PTPRD: variants seen among roughly 807,000 people sequenced by gnomAD.
PTPRD encodes the protein protein tyrosine phosphatase receptor type D, also known as receptor-type tyrosine-protein phosphatase delta.
Under a neutral mutation model 214.5 loss-of-function variants are expected in PTPRD, and 34 were observed. The ratio of observed to expected loss-of-function variants is 0.16; its 90% CI spans 0.12 to 0.21. The LOEUF is 0.21. PTPRD is among the 10% of genes least tolerant of loss of function. PTPRD has a pLI of 1.00. For synonymous variants in PTPRD, 1,128 were observed against 845.7 expected (o/e 1.33, Z -5.79); for missense variants, 2,545 against 2,398.7 (o/e 1.06, Z -1.27).
intron 11 of PTPRD, among the ~76,000 whole-genome samples, chr9:8,765,114 G>A (rs1009590301): frequency 6.6e-6 from 1 of 152,046 alleles, no homozygotes; most frequent in Non-Finnish European, 1.5e-5. Context: ...TGAGCAGAAA[G>A]TACAAATTTT....
intron 10 of PTPRD, among the ~76,000 whole-genome samples, chr9:9,041,574 A>AT (rs1202569446): frequency 2.0e-5 from 3 of 152,180 alleles, no homozygotes; most frequent in Non-Finnish European, 4.4e-5. Flanking sequence ...CATAGTAAGA[A>AT]TTCCTTTTCT....
chr9:9,814,055 A>T lies in PTPRD; in HGVS notation c.-367-47204T>A, dbSNP rs79532499. On this transcript the variant is annotated intron_variant, in intron 5 of 45. Transcript: ENST00000381196. ...CAGAATGAAGGATAAATATCACATG[A>T]TCTCAATAGATGCAGAAAATGAATT... Among the ~76,000 whole-genome samples the T allele has an allele frequency of 1.0e-3, 153 of 152,274 alleles. 2 individuals carry two copies. The East Asian group carries it at 0.027, about 27-fold the overall frequency.
At chr9:10,104,075 A>T (rs1473508293) in intron 3 of PTPRD, among the ~76,000 whole-genome samples, 1 of 151,784 alleles carries the variant, frequency 6.6e-6, no homozygotes, top group African/African-American at 2.4e-5. Context: ...CAAAAGGACA[A>T]ATACTGTTCG....
intron 11 of PTPRD, among the ~76,000 whole-genome samples, chr9:8,874,287 T>G (rs1296167534): frequency 6.6e-6 from 1 of 152,206 alleles, no homozygotes; most frequent in Non-Finnish European, 1.5e-5. Context: ...ATTTTTCTTT[T>G]CAAACCAAGA....
intron 3 of PTPRD, among the ~76,000 whole-genome samples, chr9:10,105,598 T>C (rs2098619395): frequency 6.6e-6 from 1 of 151,818 alleles, no homozygotes; most frequent in African/African-American, 2.4e-5. Flanking sequence ...TAACAATTGG[T>C]AATTTGCCCA....
intron 36 of PTPRD, among the ~76,000 whole-genome samples, chr9:8,400,298 C>T (rs2092155841): frequency 6.6e-6 from 1 of 152,124 alleles, no homozygotes; most frequent in Non-Finnish European, 1.5e-5. Flanking sequence ...CCTTGGTCAA[C>T]AAGAAATTAA....
At chr9:8,629,188 T>A (rs1420407590) in intron 14 of PTPRD, among the ~76,000 whole-genome samples, 1 of 151,838 alleles carries the variant, frequency 6.6e-6, no homozygotes, top group Admixed American at 6.6e-5. Context: ...GATTAAATGG[T>A]TCCAGAACTT....
intron 9 of PTPRD, among the ~76,000 whole-genome samples, chr9:9,298,796 AGCT>A (rs1410854921): frequency 1.3e-5 from 2 of 151,770 alleles, no homozygotes; most frequent in Non-Finnish European, 2.9e-5. Context: ...TCAAACCATT[AGCT>A]GTTCAATAGA....
intron 12 of PTPRD, among the ~76,000 whole-genome samples, chr9:8,647,128 C>G (rs776592938): frequency 1.3e-5 from 2 of 152,188 alleles, no homozygotes; most frequent in African/African-American, 4.8e-5. Flanking sequence ...TGTGTATCAT[C>G]ATAGGACTGA....
At chr9:9,216,456 T>A (rs1306697659) in intron 9 of PTPRD, among the ~76,000 whole-genome samples, 1 of 152,302 alleles carries the variant, frequency 6.6e-6, no homozygotes, top group South Asian at 2.1e-4. Flanking sequence ...TCAAATCCTA[T>A]GTTGAGCCAC....
chr9:10,269,048 G>A (rs2094267573), intron 3 of PTPRD, among the ~76,000 whole-genome samples: 1 of 152,098 alleles, frequency 6.6e-6, no homozygotes. Context: ...CTCTAGCTGA[G>A]AACCACTGCT....
At chr9:8,492,312 C>A (rs749293502) in intron 27 of PTPRD, among the ~76,000 whole-genome samples, 14 of 152,108 alleles carry the variant, frequency 9.2e-5, no homozygotes, top group Non-Finnish European at 1.9e-4. Context: ...CTTCCCTGCC[C>A]AGATCCCTTC....
At chr9:8,655,749 T>G (rs2096896488) in intron 12 of PTPRD, among the ~76,000 whole-genome samples, 1 of 152,000 alleles carries the variant, frequency 6.6e-6, no homozygotes, top group African/African-American at 2.4e-5. Flanking sequence ...CTTTTTTTTT[T>G]TTTCTTTTTT....
intron 21 of PTPRD, among the ~76,000 whole-genome samples, chr9:8,514,229 C>T (rs1176420720): frequency 6.6e-6 from 1 of 152,068 alleles, no homozygotes; most frequent in African/African-American, 2.4e-5. Flanking sequence ...CAATAGATTA[C>T]GACTGAAGGC....
At chr9:10,102,864 C>T (rs552102324) in intron 3 of PTPRD, among the ~76,000 whole-genome samples, 10 of 151,808 alleles carry the variant, frequency 6.6e-5, no homozygotes, top group South Asian at 2.1e-4. Context: ...GAAAACTGCT[C>T]ACAAAATGAA....
rs1050934036 is a variant in PTPRD at position 10,043,269 on chromosome 9, A to G, written c.-544-9479T>C. The stretch of plus-strand genomic sequence containing the variant: ...AAAACTAGTATCTTATTAGTTAAAT[A>G]ATCAAAGTGAATAAAATCACATGGG... On this transcript the variant is annotated intron_variant, in intron 3 of 45. Transcript: ENST00000381196. Among the ~76,000 whole-genome samples the G allele has an allele frequency of 3.3e-5, 5 of 152,112 alleles. No homozygotes were observed. The East Asian group carries it at 9.7e-4, about 29-fold the overall frequency.
At chr9:8,776,570 G>A (rs1393747020) in intron 11 of PTPRD, among the ~76,000 whole-genome samples, 1 of 151,846 alleles carries the variant, frequency 6.6e-6, no homozygotes, top group Non-Finnish European at 1.5e-5. Flanking sequence ...GTGATTACAG[G>A]AATAAGCCAC....
chr9:9,056,384 C>T (rs970943030), intron 10 of PTPRD, among the ~76,000 whole-genome samples: 2 of 152,140 alleles, frequency 1.3e-5, no homozygotes, highest in Non-Finnish European at 1.5e-5. Context: ...TATGCTTGAC[C>T]TAGATGATCA....
chr9:8,967,128 A>G (rs556344238), intron 11 of PTPRD, among the ~76,000 whole-genome samples: 30 of 152,102 alleles, frequency 2.0e-4, no homozygotes, highest in African/African-American at 7.2e-4. Flanking sequence ...GACAATTATT[A>G]AAGTAAAAAA....
Sources: gnomAD v4.1 joint callset for allele counts (sites outside exome capture counted in the v4.1 genomes callset) on GRCh38, gnomAD v4.1.1 for gene constraint, MANE v1.5 for transcripts, NCBI Gene and HGNC (gene_info 2026-07-23, HGNC 2026-07-21) for gene names.